FN1: variants seen among roughly 807,000 people sequenced by gnomAD.
FN1 encodes fibronectin 1.
In FN1, 106 loss-of-function variants were observed where a neutral mutation model predicts 297.3. The observed-to-expected ratio is 0.36, with a 90% CI of 0.30 to 0.42. The LOEUF (loss-of-function observed/expected upper bound fraction) is 0.42. FN1 is among the 10% of genes least tolerant of loss of function. The pLI is 1.00. For missense variants in FN1, 2,690 were observed against 3,124.9 expected, an observed-to-expected ratio of 0.86 and a Z score of 3.32; for synonymous variants, 1,149 against 1,152.6, an observed-to-expected ratio of 1.00 and a Z score of 0.06.
At chr2:215,381,544 G>GCTCA (rs2058213956) in intron 32 of FN1, 1 of 239,112 alleles carries the variant, frequency 4.2e-6, no homozygotes, top group East Asian at 1.2e-4. Flanking sequence ...CATGATCTTG[G>GCTCA]CTCACTGCAA....
chr2:215,432,746 C>T (rs747511754), intron 3 of FN1, among the ~76,000 whole-genome samples: 2 of 151,930 alleles, frequency 1.3e-5, no homozygotes, highest in Non-Finnish European at 2.9e-5. Context: ...AGAATCAGCC[C>T]GGTTCCCAAA....
intron 35 of FN1, 137 bp from the exon 36 acceptor site, chr2:215,376,811 T>A: frequency 1.4e-6 from 1 of 718,304 alleles, no homozygotes; most frequent in Admixed American, 2.5e-5. Flanking sequence ...GTAGATTATC[T>A]CCTTTGGCAT....
chr2:215,383,626 G>C (rs1198269272), intron 30 of FN1, 143 bp from the exon 31 acceptor site: 1 of 886,824 alleles, frequency 1.1e-6, no homozygotes, highest in Non-Finnish European at 1.8e-6. Context: ...TACAGAGAGA[G>C]CTTTTAGAGG....
At chr2:215,369,682 A>G (rs1452429246) in intron 41 of FN1, among the ~76,000 whole-genome samples, 1 of 152,188 alleles carries the variant, frequency 6.6e-6, no homozygotes, top group Non-Finnish European at 1.5e-5. Flanking sequence ...AGGTGCTACA[A>G]AGAAGAGTTA....
Position 215,431,614 on chromosome 2 carries a change from A to C in FN1, c.547+219T>G, listed in dbSNP as rs547497279. ...TTTCAATTCTACCTTATGCTTTTGAAGCAAAGTTAAGACTTCTATGTGTAG... is the reference window on the plus strand; with the variant it reads ...TTTCAATTCTACCTTATGCTTTTGACGCAAAGTTAAGACTTCTATGTGTAG... On this transcript the variant is annotated intron_variant, in intron 4 of 45. Coordinates refer to ENST00000354785, the MANE Select transcript of FN1 (RefSeq NM_212482.4). Among the ~76,000 whole-genome samples the C allele has an allele frequency of 1.2e-4, 19 of 152,366 alleles. No homozygotes were observed. The South Asian group carries it at 3.9e-3, about 32-fold the overall frequency.
Position 215,394,632 on chromosome 2 carries a change from G to A in FN1, c.3692C>T (p.Ser1231Phe), listed in dbSNP as rs1322935661. The part of the protein sequence containing the change: ...LEEVVHADQS[S>F]CTFDNLSPGL... ...GGGACTCAGGTTATCAAAAGTGCAG[G>A]AGCTCTGATCAGCATGGACCACTTC... The change falls in exon 24 of 46, where the codon TCC (serine) becomes TTC (phenylalanine). Residue 1231 changes from serine to phenylalanine, a missense_variant. Ser to Phe is a radical substitution (Grantham distance 155, BLOSUM62 -2). Coordinates refer to ENST00000354785, the MANE Select transcript of FN1 (RefSeq NM_212482.4). The A allele has an allele frequency of 3.1e-6, 5 of 1,614,100 alleles. No individual in the cohort carries two copies. In the South Asian group the frequency reaches 4.4e-5, roughly 14 times the overall value.
intron 12 of FN1, among the ~76,000 whole-genome samples, chr2:215,417,069 C>T (rs1003290094): frequency 1.3e-5 from 2 of 152,158 alleles, no homozygotes; most frequent in Non-Finnish European, 2.9e-5. Flanking sequence ...GCTTATACTA[C>T]GTATAATTAC....
At chr2:215,378,365 T>G (rs1478215699) in intron 34 of FN1, 103 bp from the exon 35 acceptor site, 5 of 721,710 alleles carry the variant, frequency 6.9e-6, no homozygotes, top group Non-Finnish European at 1.3e-5. Context: ...AAATAAAAAA[T>G]AAACAAACCA....
At chr2:215,425,350 G>A (rs1386993883) in intron 6 of FN1, 65 bp from the exon 7 acceptor site, 2 of 1,485,786 alleles carry the variant, frequency 1.3e-6, no homozygotes, top group Non-Finnish European at 1.9e-6. Context: ...ACTTTCTGCA[G>A]TCAGGATCTT....
chr2:215,380,939 G>A lies in FN1; in HGVS notation c.5306C>T (p.Pro1769Leu). The A allele has an allele frequency of 6.2e-7, 1 of 1,614,244 alleles. No individual in the cohort carries two copies. Reference sequence around the variant, plus strand: ...AGTGTCTTCTTCACCATCAGGTGCAGGGAATAGCTCATGGATTCCATCCTC... The same window carrying A: ...AGTGTCTTCTTCACCATCAGGTGCAAGGAATAGCTCATGGATTCCATCCTC... The part of the protein sequence containing the change: ...SPEDGIHELF[P>L]APDGEEDTAE... Residue 1769 changes from proline to leucine, a missense_variant, in exon 33 of 46, where the codon CCT becomes CTT. Pro to Leu is a moderately conservative substitution (Grantham distance 98). Coordinates refer to ENST00000354785, the MANE Select transcript of FN1 (RefSeq NM_212482.4).
At position 215,391,788 on chromosome 2, in the gene FN1, A is replaced by G. The variant is rs781004363; in HGVS notation, c.4096T>C (p.Phe1366Leu). 6 of 1,614,174 alleles carry G rather than the reference A, an allele frequency of 3.7e-6. No homozygotes were observed. The East Asian group carries it at 1.1e-4, about 30-fold the overall frequency. The change falls in exon 26 of 46, where the codon TTC becomes CTC. Residue 1366 changes from phenylalanine (F) to leucine (L), a missense_variant. Phe to Leu is a conservative substitution (Grantham distance 22). Coordinates refer to ENST00000354785, the MANE Select transcript of FN1 (RefSeq NM_212482.4). Reference sequence around the variant, plus strand: ...ATGGTGTCTGGACCAATGTTGGTGAATCGCAGGTCAGTGGGAGGAGGAACA... The same window carrying G: ...ATGGTGTCTGGACCAATGTTGGTGAGTCGCAGGTCAGTGGGAGGAGGAACA... ...TAVPPPTDLR[F>L]TNIGPDTMRV...
At position 215,425,276 on chromosome 2, in the gene FN1, G is replaced by A. The variant is rs750242501; in HGVS notation, c.854C>T (p.Pro285Leu). Residue 285 changes from proline to leucine, a missense_variant, in exon 7 of 46, where the codon CCC becomes CTC. Physicochemically the swap from Pro to Leu is moderately conservative, Grantham distance 98 (BLOSUM62 -3). Around this residue, in one of 3 missense-constraint regions of FN1, gnomAD observed 876 missense variants for 1,058.1 expected, o/e 0.83. Coordinates refer to ENST00000354785, the MANE Select transcript of FN1 (RefSeq NM_212482.4). ...AACAGCTGCACGAACATCGGTGAAG[G>A]GGCCAGATCCTAATGGCATGAAAAG... ...SVQTTSSGSG[P>L]FTDVRAAVYQ... is the part of the protein sequence containing the mutation. 6.2e-6 allele frequency: 10 copies of A among 1,614,070 alleles called. No homozygotes were observed. Among genetic ancestry groups the A allele is most frequent in the Non-Finnish European group, 7.6e-6 (9 of 1,180,026 alleles).
At chr2:215,380,588 G>A in intron 33 of FN1, 1 of 602,336 alleles carries the variant, frequency 1.7e-6, no homozygotes, top group Non-Finnish European at 2.9e-6. Context: ...TTATGGTCTT[G>A]TGTATAAGCC....
At chr2:215,398,912 C>T (rs2060636893) in intron 21 of FN1, among the ~76,000 whole-genome samples, 2 of 152,204 alleles carry the variant, frequency 1.3e-5, no homozygotes, top group African/African-American at 2.4e-5. Context: ...AACTTGTTCA[C>T]ACTCATTTAG....
chr2:215,398,212 C>T (rs548146813), intron 21 of FN1, among the ~76,000 whole-genome samples: 1 of 152,350 alleles, frequency 6.6e-6, no homozygotes, highest in South Asian at 2.1e-4. Context: ...TGTCTGAGCT[C>T]TCCCTTTAAC....
chr2:215,372,081 G>A lies in FN1; in HGVS notation c.6542C>T (p.Pro2181Leu). 1.2e-6 allele frequency: 2 copies of A among 1,614,160 alleles called. No individual in the cohort carries two copies. Among genetic ancestry groups the A allele is most frequent in the Non-Finnish European group, 1.7e-6 (2 of 1,180,028 alleles). ...CAGGTGATAGTCTACATCTTCCCTG[G>A]GGATGTGACCAATTTGGATTTCCTC... The part of the protein sequence containing the change: ...VGEEIQIGHI[P>L]REDVDYHLYP... The change falls in exon 40 of 46, where the codon CCC (proline) becomes CTC (leucine). Residue 2181 changes from proline to leucine, a missense_variant. Physicochemically the swap from Pro to Leu is moderately conservative, Grantham distance 98. Around this residue, in one of 3 missense-constraint regions of FN1, gnomAD observed 1,743 missense variants for 1,945.2 expected, o/e 0.90. Coordinates refer to ENST00000354785, the MANE Select transcript of FN1 (RefSeq NM_212482.4).
rs1463252069 is a variant in FN1, at chr2:215,435,868, G to T, written c.-66C>A. 72 of 1,491,114 alleles carry T rather than the reference G, an allele frequency of 4.8e-5. No individual in the cohort carries two copies. The highest frequency in any genetic ancestry group is 6.3e-5 in the Non-Finnish European group (71 of 1,122,638). The allele number at this position is 1,491,114 out of a possible 1,614,324, so 92.4% of individuals were successfully genotyped here. A position where few individuals can be genotyped will look rare whatever the true frequency, so the allele number is the denominator to read the frequency against. On this transcript the variant is annotated 5_prime_UTR_variant, in exon 1 of 46. Transcript: ENST00000354785. ...GTTGCCACCAAGTTTGCTTCCCTTC[G>T]CAACCTGCGGGAAAAATCCCTTCTA...
At chr2:215,389,384 T>TGAGC (rs2059428684) in intron 26 of FN1, among the ~76,000 whole-genome samples, 3 of 151,344 alleles carry the variant, frequency 2.0e-5, no homozygotes, top group Admixed American at 2.0e-4. Flanking sequence ...ATTACAGGCG[T>TGAGC]GAGCCACTGT....
At position 215,435,672 on chromosome 2, in the gene FN1, G is replaced by A. The variant is rs762546141; in HGVS notation, c.131C>T (p.Ala44Val). ...GTACTCACGCTTGCTTTGACTGACAGCCACCGGGGACTGGGGCTGAACCAT... is the reference window on the plus strand; with the variant it reads ...GTACTCACGCTTGCTTTGACTGACAACCACCGGGGACTGGGGCTGAACCAT... ...QQMVQPQSPV[A>V]VSQSKPGCYD... The change falls in exon 1 of 46, where the codon GCT becomes GTT. Residue 44 changes from alanine to valine, a missense_variant. By Grantham distance (64) the Ala-to-Val change is moderately conservative (BLOSUM62 0). Transcript: ENST00000354785. 6.8e-6 allele frequency: 11 copies of A among 1,613,402 alleles called. No homozygotes were observed. The African/African-American group carries it at 9.3e-5, about 14-fold the overall frequency.
Sources: allele counts gnomAD v4.1 joint callset (sites outside exome capture counted in the v4.1 genomes callset), GRCh38; gene constraint gnomAD v4.1.1; regional missense constraint gnomAD v4.1.1; transcripts MANE v1.5; gene names NCBI Gene and HGNC (gene_info 2026-07-23, HGNC 2026-07-21).